SCAF8: variants seen among roughly 807,000 people sequenced by gnomAD.
The protein encoded by SCAF8 is SR-related and CTD-associated factor 8.
SCAF8 carries 23 observed loss-of-function variants against 140.5 expected under a neutral mutation model. That is an observed-to-expected ratio of 0.16 (90% CI 0.12 to 0.23). The LOEUF (loss-of-function observed/expected upper bound fraction) is 0.23, where lower values mean the gene tolerates loss of function less well. Among genes scored for constraint, SCAF8 ranks in the 10% least tolerant of loss-of-function variants. The probability of loss-of-function intolerance (pLI) is 1.00; values close to 1 mark genes in which losing one functional copy is unlikely to be tolerated. For synonymous variants in SCAF8, 575 were observed against 528.9 expected (o/e 1.09, Z -1.20); for missense variants, 1,397 against 1,555.7 (o/e 0.90, Z 1.72).
chr6:154,794,874 A>G, intron 5 of SCAF8, 135 bp from the exon 6 acceptor site: 1 of 677,570 alleles, frequency 1.5e-6, no homozygotes, highest in Non-Finnish European at 2.3e-6. Context: ...GATTTTTTCA[A>G]AGTGGACACA....
chr6:154,820,453 A>G (rs373404452), intron 15 of SCAF8, 120 bp downstream of exon 15: 2 of 757,384 alleles, frequency 2.6e-6, no homozygotes, highest in East Asian at 5.5e-5. Flanking sequence ...AAAAAAGAGA[A>G]AAGATACATT....
At chr6:154,734,020 C>T (rs969569302) in intron 1 of SCAF8, 90 bp downstream of exon 1, 22 of 1,420,446 alleles carry the variant, frequency 1.5e-5, no homozygotes, top group Middle Eastern at 2.5e-4. Context: ...CGCGGGCCTG[C>T]GGGTTTTTTA....
At chr6:154,775,931 T>C (rs961711205) in intron 2 of SCAF8, among the ~76,000 whole-genome samples, 1 of 152,180 alleles carries the variant, frequency 6.6e-6, no homozygotes, top group Non-Finnish European at 1.5e-5. Context: ...TTGCTACATA[T>C]GGAAGTTAGT....
chr6:154,807,352 A>G (rs1777951491), intron 9 of SCAF8, among the ~76,000 whole-genome samples: 1 of 152,256 alleles, frequency 6.6e-6, no homozygotes. Flanking sequence ...CTCATTGTTC[A>G]AAAATGAATC....
chr6:154,808,367 C>T (rs1478493573), intron 10 of SCAF8, among the ~76,000 whole-genome samples, 166 bp downstream of exon 10: 1 of 152,204 alleles, frequency 6.6e-6, no homozygotes, highest in Non-Finnish European at 1.5e-5. Context: ...AAGCATGGCC[C>T]CTAGGCCAAG....
chr6:154,762,782 A>G (rs1489374033), intron 1 of SCAF8, among the ~76,000 whole-genome samples: 1 of 152,194 alleles, frequency 6.6e-6, no homozygotes. Flanking sequence ...ATTATAAAAT[A>G]AGGGATTTTA....
chr6:154,781,331 A>T (rs1777078095), intron 3 of SCAF8, among the ~76,000 whole-genome samples: 1 of 152,206 alleles, frequency 6.6e-6, no homozygotes, highest in Non-Finnish European at 1.5e-5. Context: ...TGCTCAAGGA[A>T]ATCAGAGAGG....
At chr6:154,769,041 C>T (rs1254633463) in intron 1 of SCAF8, among the ~76,000 whole-genome samples, 2 of 121,422 alleles carry the variant, frequency 1.6e-5, no homozygotes, top group East Asian at 2.4e-4. Flanking sequence ...CCAGCGTGGG[C>T]GACAGAGTGA....
At chr6:154,823,941 T>C (rs9384243) in intron 16 of SCAF8, among the ~76,000 whole-genome samples, 8,075 of 152,278 alleles carry the variant, frequency 0.053, 606 homozygotes, top group African/African-American at 0.17. Flanking sequence ...GAGTGGGAGA[T>C]GGCAGTTTAA....
rs763072550 is a variant in SCAF8 at position 154,787,841 on chromosome 6, ATTC to A, written c.160-14_160-12del. 2.1e-4 allele frequency: 333 copies of A among 1,572,058 alleles called. No individual in the cohort carries two copies. The highest frequency in any genetic ancestry group is 1.2e-3 in the African/African-American group (89 of 72,872). Reference sequence around the variant, plus strand: ...TACCTTTCCGTTTCCTTTCCTTTTCATTCTTCTTTTTTTCATCAGTGTAAACCA... The same window carrying A: ...TACCTTTCCGTTTCCTTTCCTTTTCATTCTTTTTTTCATCAGTGTAAACCA... On this transcript the variant is annotated splice_polypyrimidine_tract_variant and intron_variant, in intron 3 of 19. Coordinates refer to ENST00000367178, the MANE Select transcript of SCAF8 (RefSeq NM_014892.5).
At chr6:154,795,175 G>T in intron 6 of SCAF8, 36 bp downstream of exon 6, 2 of 1,558,980 alleles carry the variant, frequency 1.3e-6, no homozygotes, top group South Asian at 1.2e-5. Flanking sequence ...GAATAATTTA[G>T]AATTTAATAT....
At chr6:154,779,002 A>T (rs1457141323) in intron 3 of SCAF8, among the ~76,000 whole-genome samples, 2 of 151,982 alleles carry the variant, frequency 1.3e-5, no homozygotes, top group Non-Finnish European at 2.9e-5. Flanking sequence ...TAAAAGTTTT[A>T]ATGTCTGGTT....
At chr6:154,814,465 GATTC>G (rs1404101244) in intron 12 of SCAF8, among the ~76,000 whole-genome samples, 1 of 152,220 alleles carries the variant, frequency 6.6e-6, no homozygotes, top group African/African-American at 2.4e-5. Context: ...TTAGCTAAGT[GATTC>G]CTAAAGCTTA....
At chr6:154,740,015 G>GA (rs1211218513) in intron 1 of SCAF8, among the ~76,000 whole-genome samples, 1 of 152,130 alleles carries the variant, frequency 6.6e-6, no homozygotes, top group African/African-American at 2.4e-5. Context: ...ATCTACCAGG[G>GA]AATCTGTCTC....
chr6:154,753,480 A>T (rs1256251416), intron 1 of SCAF8, among the ~76,000 whole-genome samples: 2 of 149,992 alleles, frequency 1.3e-5, no homozygotes, highest in African/African-American at 4.9e-5. Flanking sequence ...AAAATAAATT[A>T]AAAAAAAAAT....
At chr6:154,814,180 C>T (rs902653064) in intron 12 of SCAF8, among the ~76,000 whole-genome samples, 2 of 152,174 alleles carry the variant, frequency 1.3e-5, no homozygotes, top group African/African-American at 4.8e-5. Flanking sequence ...CAAAAATTAG[C>T]TGAGCATGAT....
chr6:154,733,695 C>A lies in SCAF8; in HGVS notation c.-206C>A. 3 of 1,309,290 alleles carry A rather than the reference C, an allele frequency of 2.3e-6. No individual in the cohort carries two copies. The highest frequency in any genetic ancestry group is 4.4e-5 in the South Asian group (2 of 45,620). The allele number at this position is 1,309,290 out of a possible 1,614,324, so 81.1% of individuals were successfully genotyped here. On this transcript the variant is annotated 5_prime_UTR_variant, in exon 1 of 20. Transcript: ENST00000367178. The stretch of plus-strand genomic sequence containing the variant: ...TAGAACGGCGCTCCCCCCGCCCTAG[C>A]GGCCATGCCGGTGCCGCTCTGCCGC...
At chr6:154,734,005 G>T in intron 1 of SCAF8, 75 bp downstream of exon 1, 1 of 1,440,486 alleles carries the variant, frequency 6.9e-7, no homozygotes, top group Non-Finnish European at 9.1e-7. Context: ...GGCCCGGAGG[G>T]TGGGCGCGGG....
chr6:154,818,700 G>A (rs1228857920), intron 14 of SCAF8, 108 bp downstream of exon 14: 4 of 503,226 alleles, frequency 7.9e-6, no homozygotes, highest in Non-Finnish European at 1.1e-5. Flanking sequence ...TCTTTTATTG[G>A]ATTATTAGAA....
Sources: gnomAD v4.1 joint callset for allele counts (sites outside exome capture counted in the v4.1 genomes callset) on GRCh38, gnomAD v4.1.1 for gene constraint, MANE v1.5 for transcripts, NCBI Gene and HGNC (gene_info 2026-07-23, HGNC 2026-07-21) for gene names.